The following MEF2C variants were observed in gnomAD, a reference collection of about 807,000 sequenced individuals.
MEF2C encodes the protein myocyte enhancer factor 2C.
In MEF2C, 6 loss-of-function variants were observed where a neutral mutation model predicts 50.5. The ratio of observed to expected loss-of-function variants is 0.12; its 90% CI spans 0.07 to 0.23. The LOEUF (loss-of-function observed/expected upper bound fraction) is 0.23. Among genes scored for constraint, MEF2C ranks in the 10% least tolerant of loss-of-function variants. The pLI is 1.00. For synonymous variants in MEF2C, 183 were observed against 228.0 expected, an observed-to-expected ratio of 0.80 and a Z score of 1.78; for missense variants, 276 against 605.0, an observed-to-expected ratio of 0.46 and a Z score of 5.70.
intron 6 of MEF2C, chr5:88,744,012 T>A (rs1232830690): frequency 2.1e-6 from 2 of 966,442 alleles, no homozygotes; most frequent in East Asian, 2.3e-4. Flanking sequence ...TTCCTAAAGG[T>A]TTTTCATTTC....
intron 4 of MEF2C, chr5:88,752,448 A>G (rs977674117): frequency 6.3e-6 from 2 of 315,058 alleles, no homozygotes; most frequent in African/African-American, 4.5e-5. Flanking sequence ...CTTTGATTTA[A>G]TTGCTTATTG....
chr5:88,811,655 C>T (rs1802867969), intron 2 of MEF2C, among the ~76,000 whole-genome samples: 1 of 151,854 alleles, frequency 6.6e-6, no homozygotes, highest in South Asian at 2.1e-4. Flanking sequence ...TTCCATATTT[C>T]AAGAAATAAA....
rs570633003 is a variant in MEF2C at position 88,770,623 on chromosome 5, A to C, written c.259-9295T>G. Among the ~76,000 whole-genome samples, 68 of 152,258 alleles carry C rather than the reference A, an allele frequency of 4.5e-4. 1 individual carries two copies. Among genetic ancestry groups the C allele is most frequent in the African/African-American group, 1.5e-3 (61 of 41,534 alleles). ...TCTCTCCCATCTTTCCCTTCCTAGC[A>C]AATGTCACAATGTACTTGTTCAAGC... On this transcript the variant is annotated intron_variant, in intron 3 of 10. Transcript: ENST00000504921.
chr5:88,894,546 G>C (rs893513791), intron 1 of MEF2C, among the ~76,000 whole-genome samples: 1 of 152,184 alleles, frequency 6.6e-6, no homozygotes, highest in Non-Finnish European at 1.5e-5. Flanking sequence ...TGGCCTGATT[G>C]TTGGCAAATC....
chr5:88,834,428 G>C (rs781450632), intron 1 of MEF2C, among the ~76,000 whole-genome samples: 1 of 152,150 alleles, frequency 6.6e-6, no homozygotes, highest in South Asian at 2.1e-4. Flanking sequence ...GAGACATGAA[G>C]TTGTCAAGCA....
intron 3 of MEF2C, chr5:88,761,570 G>C: frequency 4.8e-6 from 2 of 417,074 alleles, no homozygotes; most frequent in Non-Finnish European, 8.5e-6. Context: ...AGGGTATAAG[G>C]ACTCAAGTTT....
intron 1 of MEF2C, among the ~76,000 whole-genome samples, chr5:88,838,920 T>G (rs1816214995): frequency 6.6e-6 from 1 of 152,148 alleles, no homozygotes. Context: ...GTACATTATT[T>G]TAGAAGGAAT....
chr5:88,760,754 C>G (rs1777484377), intron 4 of MEF2C, among the ~76,000 whole-genome samples: 1 of 152,208 alleles, frequency 6.6e-6, no homozygotes, highest in Non-Finnish European at 1.5e-5. Flanking sequence ...AAATCTTTCT[C>G]TTCCTGCTGT....
chr5:88,839,678 C>T (rs1816612070), intron 1 of MEF2C: 2 of 151,710 alleles, frequency 1.3e-5, no homozygotes, highest in Admixed American at 1.3e-4. Flanking sequence ...GCGGACATTT[C>T]CATCAAGTAA....
At chr5:88,755,149 T>C (rs1580151922) in intron 4 of MEF2C, among the ~76,000 whole-genome samples, 1 of 152,180 alleles carries the variant, frequency 6.6e-6, no homozygotes, top group South Asian at 2.1e-4. Flanking sequence ...CCTACTCTAC[T>C]TCTTATTATA....
At position 88,800,043 on chromosome 5, in the gene MEF2C, G is replaced by C. The variant is rs183896759; in HGVS notation, c.258+4555C>G. Among the ~76,000 whole-genome samples the C allele has an allele frequency of 2.1e-3, 323 of 152,212 alleles. 1 individual carries two copies. The highest frequency in any genetic ancestry group is 7.5e-3 in the African/African-American group (313 of 41,542). On this transcript the variant is annotated intron_variant, in intron 3 of 10. Coordinates refer to ENST00000504921, the MANE Select transcript of MEF2C (RefSeq NM_002397.5). ...CTGAATTTCCTAGAGAGCAGCAAAG[G>C]GCCTTGTGTTTTATTCCCCTTCCAC...
intron 6 of MEF2C, chr5:88,739,413 A>G (rs1421038789): frequency 1.0e-6 from 1 of 963,748 alleles, no homozygotes; most frequent in East Asian, 1.1e-4. Flanking sequence ...CACATACATA[A>G]TAATGCTCAC....
chr5:88,762,269 T>C (rs1454764291), intron 3 of MEF2C, among the ~76,000 whole-genome samples: 1 of 152,200 alleles, frequency 6.6e-6, no homozygotes, highest in Non-Finnish European at 1.5e-5. Flanking sequence ...GTTAGGAGTC[T>C]TGAGTTTTAC....
At chr5:88,859,342 C>T (rs1258669509) in intron 1 of MEF2C, among the ~76,000 whole-genome samples, 2 of 152,188 alleles carry the variant, frequency 1.3e-5, no homozygotes, top group African/African-American at 4.8e-5. Context: ...CACCCAGTGA[C>T]AAGGCACATT....
chr5:88,887,876 T>C (rs1834163548), upstream of MEF2C, among the ~76,000 whole-genome samples: 1 of 152,234 alleles, frequency 6.6e-6, no homozygotes. Context: ...ATTGAGAATT[T>C]GCAATATACA....
At chr5:88,849,066 G>A (rs1820333266) in intron 1 of MEF2C, among the ~76,000 whole-genome samples, 1 of 148,766 alleles carries the variant, frequency 6.7e-6, no homozygotes, top group Non-Finnish European at 1.5e-5. Context: ...CAGGAGAATC[G>A]CTTGAACCCG....
rs539940426 is a variant in MEF2C at position 88,902,358 on chromosome 5, T to A, written c.-240+1558A>T. ...CATATATTTTTAAATGTTTTAATCATTTGAAATATATATGTAACAATTTAT... is the reference window on the plus strand; with the variant it reads ...CATATATTTTTAAATGTTTTAATCAATTGAAATATATATGTAACAATTTAT... On this transcript the variant is annotated intron_variant, in intron 1 of 11. Coordinates refer to the MEF2C transcript ENST00000340208. 3.2e-3 allele frequency among the ~76,000 whole-genome samples: 480 copies of A among 152,034 alleles called. 2 individuals carry two copies. Among genetic ancestry groups the A allele is most frequent in the African/African-American group, 0.011 (463 of 41,554 alleles).
At position 88,843,547 on chromosome 5, in the gene MEF2C, T is replaced by C. The variant is rs917340017; in HGVS notation, c.-142-19617A>G. 3.6e-6 allele frequency: 3 copies of C among 830,738 alleles called. No homozygotes were observed. In the African/African-American group the frequency reaches 5.5e-5, roughly 15 times the overall value. The allele number at this position is 830,738 out of a possible 1,614,324, so 51.5% of individuals were successfully genotyped here. ...TTCAAGTTTTATACCTTATTCATTT[T>C]TTCTAAGACTCAATTTCTCCACAAC... On this transcript the variant is annotated intron_variant, in intron 1 of 10. Coordinates refer to ENST00000504921, the MANE Select transcript of MEF2C (RefSeq NM_002397.5).
At chr5:88,868,943 C>A (rs769346420) in intron 1 of MEF2C, among the ~76,000 whole-genome samples, 2 of 151,864 alleles carry the variant, frequency 1.3e-5, no homozygotes, top group Non-Finnish European at 2.9e-5. Flanking sequence ...ACAATAGGCA[C>A]GTATACATTA....
Sources: allele counts gnomAD v4.1 joint callset (sites outside exome capture counted in the v4.1 genomes callset), GRCh38; gene constraint gnomAD v4.1.1; transcripts MANE v1.5; gene names NCBI Gene and HGNC (gene_info 2026-07-23, HGNC 2026-07-21).